Variants in PRIMPOL observed in about 807,000 individuals in gnomAD.
PRIMPOL encodes the protein DNA-directed primase/polymerase protein.
In PRIMPOL, 54 loss-of-function variants were observed where a neutral mutation model predicts 63.6. That is an observed-to-expected ratio of 0.85 (90% CI 0.68 to 1.07). PRIMPOL has a LOEUF of 1.07. Among genes scored for constraint, PRIMPOL ranks in the 50% least tolerant of loss-of-function variants. The pLI, the probability that PRIMPOL is intolerant of heterozygous loss-of-function variation, is 0.00. For missense variants in PRIMPOL, 610 were observed against 648.3 expected (o/e 0.94, Z 0.64); for synonymous variants, 197 against 220.2 (o/e 0.89, Z 0.93).
intron 5 of PRIMPOL, among the ~76,000 whole-genome samples, chr4:184,665,620 C>T (rs1488186112): frequency 2.6e-5 from 4 of 151,136 alleles, no homozygotes; most frequent in African/African-American, 4.9e-5. Flanking sequence ...CTTCCTGCCT[C>T]GGCCTCCTGA....
In PRIMPOL at chr4:184,652,084, A is replaced by T. The variant is rs1298254838; in HGVS notation, c.-76A>T. On this transcript the variant is annotated 5_prime_UTR_variant, in exon 2 of 14. Transcript: ENST00000314970. ...GGAAGGGGAAGAATTCGGGAAAAGC[A>T]ACGTGGGGCATTCCAGGTAAGAGAA... 1.3e-5 allele frequency: 2 copies of T among 152,514 alleles called. No homozygotes were observed. Among genetic ancestry groups the T allele is most frequent in the East Asian group, 3.9e-4 (2 of 5,192 alleles). 9.4% of individuals were successfully genotyped at this position (152,514 alleles called of 1,614,324 possible).
At chr4:184,651,393 C>A (rs1052133035) in intron 1 of PRIMPOL, among the ~76,000 whole-genome samples, 17 of 152,182 alleles carry the variant, frequency 1.1e-4, no homozygotes, top group African/African-American at 1.7e-4. Context: ...CTTTCTTTAT[C>A]CCTCCTGAAT....
chr4:184,683,931 G>A (rs746055252), intron 9 of PRIMPOL, among the ~76,000 whole-genome samples: 1 of 139,376 alleles, frequency 7.2e-6, no homozygotes, highest in African/African-American at 3.4e-5. Flanking sequence ...GATGTTAAAA[G>A]AAAAACTAGT....
At chr4:184,690,152 C>T (rs1463613976) in intron 11 of PRIMPOL, among the ~76,000 whole-genome samples, 1 of 152,096 alleles carries the variant, frequency 6.6e-6, no homozygotes, top group Non-Finnish European at 1.5e-5. Flanking sequence ...ACATTTTCAA[C>T]TATTTAATCA....
intron 8 of PRIMPOL, among the ~76,000 whole-genome samples, chr4:184,679,067 A>G (rs911894999): frequency 4.6e-5 from 7 of 152,196 alleles, no homozygotes; most frequent in African/African-American, 1.4e-4. Flanking sequence ...ATGCACATAC[A>G]TATAATTTGT....
intron 8 of PRIMPOL, among the ~76,000 whole-genome samples, chr4:184,680,617 TC>T (rs776522343): frequency 2.4e-4 from 36 of 152,340 alleles, no homozygotes; most frequent in Non-Finnish European, 5.3e-4. Context: ...GGATTGTTTT[TC>T]TTCATATATA....
intron 2 of PRIMPOL, among the ~76,000 whole-genome samples, chr4:184,656,406 A>G (rs1253946856): frequency 6.6e-6 from 1 of 152,140 alleles, no homozygotes; most frequent in African/African-American, 2.4e-5. Context: ...CTAAAAACCT[A>G]TTCTTTTTCT....
chr4:184,667,063 G>A lies in PRIMPOL; in HGVS notation c.556+999G>A, dbSNP rs1750119261. Reference sequence around the variant, plus strand: ...GCTGCTAGCGTCTTAGAGTTTCACGGCCACCTAGAGTAAAAGGCGTGGACA... The same window carrying A: ...GCTGCTAGCGTCTTAGAGTTTCACGACCACCTAGAGTAAAAGGCGTGGACA... On this transcript the variant is annotated intron_variant, in intron 6 of 13. Transcript: ENST00000314970. Among the ~76,000 whole-genome samples the A allele has an allele frequency of 2.0e-5, 3 of 152,194 alleles. 1 individual carries two copies. The highest frequency in any genetic ancestry group is 2.0e-4 in the Admixed American group (3 of 15,282).
At chr4:184,674,039 G>A (rs572025826) in intron 7 of PRIMPOL, among the ~76,000 whole-genome samples, 139 of 152,244 alleles carry the variant, frequency 9.1e-4, no homozygotes, top group African/African-American at 3.0e-3. Flanking sequence ...GGGAGAGTGC[G>A]TAACAGGAAG....
intron 11 of PRIMPOL, among the ~76,000 whole-genome samples, chr4:184,686,766 A>G (rs943882646): frequency 6.6e-6 from 1 of 152,086 alleles, no homozygotes; most frequent in Non-Finnish European, 1.5e-5. Context: ...CTGGAAACAC[A>G]TTGGGTAGCA....
At position 184,685,562 on chromosome 4, in the gene PRIMPOL, T is replaced by C. The variant is rs957996205; in HGVS notation, c.1187-14T>C. ...AGAGTGATAGTAGCTTTAGAAACAT[T>C]ATTTGCATTTTAGGAATTCGGCGTT... On this transcript the variant is annotated splice_polypyrimidine_tract_variant and intron_variant, in intron 10 of 13. Transcript: ENST00000314970. 7 of 1,602,976 alleles carry C rather than the reference T, an allele frequency of 4.4e-6. No homozygotes were observed. The highest frequency in any genetic ancestry group is 6.0e-6 in the Non-Finnish European group (7 of 1,170,272).
chr4:184,650,270 A>C (rs1743845202), intron 1 of PRIMPOL, among the ~76,000 whole-genome samples: 1 of 152,242 alleles, frequency 6.6e-6, no homozygotes, highest in Non-Finnish European at 1.5e-5. Flanking sequence ...ATGAGGAAAA[A>C]GAGATGGGGC....
chr4:184,672,699 G>A (rs933880044), intron 7 of PRIMPOL, among the ~76,000 whole-genome samples: 2 of 152,174 alleles, frequency 1.3e-5, no homozygotes, highest in African/African-American at 2.4e-5. Context: ...CTTCTGCTCT[G>A]CATGTCCAGA....
At chr4:184,662,664 A>G (rs1264114046) in intron 5 of PRIMPOL, among the ~76,000 whole-genome samples, 1 of 152,090 alleles carries the variant, frequency 6.6e-6, no homozygotes, top group African/African-American at 2.4e-5. Context: ...CTGACTAGCT[A>G]TTTTTCTTTT....
intron 8 of PRIMPOL, among the ~76,000 whole-genome samples, chr4:184,680,483 C>T (rs756920656): frequency 1.4e-4 from 22 of 152,178 alleles, no homozygotes; most frequent in East Asian, 3.9e-4. Context: ...CCACCGTGCC[C>T]GGCCACTTAA....
intron 5 of PRIMPOL, among the ~76,000 whole-genome samples, chr4:184,662,572 A>G (rs984498598): frequency 2.0e-5 from 3 of 152,216 alleles, no homozygotes; most frequent in Admixed American, 2.0e-4. Flanking sequence ...TATTTCAAAA[A>G]AAATTTTCAG....
At chr4:184,658,118 G>T (rs1331346917) in intron 3 of PRIMPOL, among the ~76,000 whole-genome samples, 1 of 150,798 alleles carries the variant, frequency 6.6e-6, no homozygotes, top group African/African-American at 2.4e-5. Flanking sequence ...AAATATGAAA[G>T]AAACGATAAG....
chr4:184,684,328 C>A (rs568521390), intron 9 of PRIMPOL, among the ~76,000 whole-genome samples: 1 of 152,016 alleles, frequency 6.6e-6, no homozygotes, highest in African/African-American at 2.4e-5. Context: ...TGGTGTTGCA[C>A]GCCTGTAATC....
chr4:184,678,088 A>G (rs1754582066), intron 7 of PRIMPOL, 144 bp from the exon 8 acceptor site: 1 of 445,220 alleles, frequency 2.2e-6, no homozygotes. Context: ...TAATTTATAT[A>G]GTGCTTTAAT....
Sources: allele counts gnomAD v4.1 joint callset (sites outside exome capture counted in the v4.1 genomes callset), GRCh38; gene constraint gnomAD v4.1.1; transcripts MANE v1.5; gene names NCBI Gene and HGNC (gene_info 2026-07-23, HGNC 2026-07-21).